GUF1: variants seen among roughly 807,000 people sequenced by gnomAD.
The protein encoded by GUF1 is GTP binding elongation factor GUF1.
Under a neutral mutation model 82.4 loss-of-function variants are expected in GUF1, and 78 were observed. The observed-to-expected ratio is 0.95, with a 90% confidence interval of 0.79 to 1.14. GUF1 has a LOEUF of 1.14. Ranked by LOEUF, GUF1 falls within the 50% of genes most tolerant of loss-of-function variation. The pLI, the probability that GUF1 is intolerant of heterozygous loss-of-function variation, is 0.00. For synonymous variants in GUF1, 279 were observed against 282.3 expected, an observed-to-expected ratio of 0.99 and a Z score of 0.12; for missense variants, 814 against 798.2, an observed-to-expected ratio of 1.02 and a Z score of -0.24.
In GUF1 at chr4:44,700,886, T is replaced by G. The variant is rs1716199190; in HGVS notation, c.*2205T>G. On this transcript the variant is annotated 3_prime_UTR_variant, in exon 17 of 17. Transcript: ENST00000281543. The stretch of plus-strand genomic sequence containing the variant: ...AATCTGAAAGACCATGACAGTAGTA[T>G]TTTGAAAATGACAGTATTTGAAATT... The G allele has an allele frequency of 6.6e-6, 1 of 152,196 alleles. No homozygotes were observed. The highest frequency in any genetic ancestry group is 1.5e-5 in the Non-Finnish European group (1 of 68,036). The allele number at this position is 152,196 out of a possible 1,614,324, so 9.4% of individuals were successfully genotyped here. A position where few individuals can be genotyped will look rare whatever the true frequency, so the allele number is the denominator to read the frequency against.
chr4:44,699,047 G>A lies in GUF1; in HGVS notation c.*366G>A, dbSNP rs906574582. The A allele has an allele frequency of 6.2e-6, 1 of 161,128 alleles. No individual in the cohort carries two copies. Among genetic ancestry groups the A allele is most frequent in the Non-Finnish European group, 1.3e-5 (1 of 74,376 alleles). The allele number at this position is 161,128 out of a possible 1,614,324, so 10.0% of individuals were successfully genotyped here. A position where few individuals can be genotyped will look rare whatever the true frequency, so the allele number is the denominator to read the frequency against. On this transcript the variant is annotated 3_prime_UTR_variant, in exon 17 of 17. Coordinates refer to ENST00000281543, the MANE Select transcript of GUF1 (RefSeq NM_021927.3). ...TAGTAAGCACTCAATTGTAACTACA[G>A]TTAAGTCCTTAAATGCCATCGAAAG...
In GUF1 at chr4:44,678,570, T is replaced by C; in HGVS notation, c.-53T>C. 7.2e-7 allele frequency: 1 copy of C among 1,382,610 alleles called. No homozygotes were observed. The highest frequency in any genetic ancestry group is 9.4e-7 in the Non-Finnish European group (1 of 1,061,850). The allele number at this position is 1,382,610 out of a possible 1,614,324, so 85.6% of individuals were successfully genotyped here. On this transcript the variant is annotated 5_prime_UTR_variant, in exon 1 of 17. Coordinates refer to ENST00000281543, the MANE Select transcript of GUF1 (RefSeq NM_021927.3). ...GGGGTACCTTCGAAAAAAAACGGGC[T>C]ATGCTGCTGTTGCGTGTGGGTACCC...
At chr4:44,678,846 G>T in intron 1 of GUF1, 59 bp downstream of exon 1, 1 of 1,484,460 alleles carries the variant, frequency 6.7e-7, no homozygotes, top group Non-Finnish European at 9.0e-7. Context: ...TGCCCCATGC[G>T]ATCTTGGACA....
At chr4:44,690,989 C>A (rs1715403487) in intron 12 of GUF1, 129 bp downstream of exon 12, 2 of 508,584 alleles carry the variant, frequency 3.9e-6, no homozygotes, top group Admixed American at 3.7e-5. Context: ...ATATATATAT[C>A]TGTCTATATC....
At chr4:44,685,701 AT>A (rs1159659286) in intron 6 of GUF1, among the ~76,000 whole-genome samples, 1 of 152,062 alleles carries the variant, frequency 6.6e-6, no homozygotes, top group Non-Finnish European at 1.5e-5. Context: ...TGTTACCCAG[AT>A]TTCGAACTAT....
In GUF1 at chr4:44,696,616, TG is replaced by T. The variant is rs528302988; in HGVS notation, c.1836-791del. 4.3e-3 allele frequency among the ~76,000 whole-genome samples: 649 copies of T among 152,270 alleles called. 3 individuals carry two copies. The highest frequency in any genetic ancestry group is 0.014 in the African/African-American group (592 of 41,544). On this transcript the variant is annotated intron_variant, in intron 15 of 16. Transcript: ENST00000281543. ...AAATTCGACCTTAACCCAAACCTAA[TG>T]AGGAAATACAACCATCATGTTAATA...
Position 44,682,318 on chromosome 4 carries a change from A to C in GUF1, c.508-16A>C. The C allele has an allele frequency of 3.4e-6, 5 of 1,459,104 alleles. No homozygotes were observed. Among genetic ancestry groups the C allele is most frequent in the Non-Finnish European group, 4.6e-6 (5 of 1,084,694 alleles). 90.4% of individuals were successfully genotyped at this position (1,459,104 alleles called of 1,614,324 possible). ...TAGAATGGTCATCTCAGTATCTTGT[A>C]TCTTGATATTTTCAGGGAATTCAAG... On this transcript the variant is annotated splice_polypyrimidine_tract_variant and intron_variant, in intron 4 of 16. Transcript: ENST00000281543.
chr4:44,683,771 G>T (rs1714902063), intron 6 of GUF1, among the ~76,000 whole-genome samples: 1 of 152,084 alleles, frequency 6.6e-6, no homozygotes, highest in South Asian at 2.1e-4. Flanking sequence ...GGAAACAATA[G>T]ATTTTATTTA....
intron 15 of GUF1, 42 bp from the exon 16 acceptor site, chr4:44,697,366 A>G (rs1715892098): frequency 1.5e-6 from 2 of 1,301,754 alleles, no homozygotes; most frequent in Non-Finnish European, 2.2e-6. Context: ...TTTAAACAGT[A>G]TAATGGAATT....
chr4:44,680,800 T>C lies in GUF1; in HGVS notation c.384T>C (p.Asn128=), dbSNP rs768426911. The C allele has an allele frequency of 2.5e-6, 4 of 1,612,458 alleles. No individual in the cohort carries two copies. Among genetic ancestry groups the C allele is most frequent in the East Asian group, 2.2e-5 (1 of 44,778 alleles). Residue 128 remains asparagine, a synonymous_variant, in exon 3 of 17, where the codon AAT becomes AAC. Transcript: ENST00000281543. ...CACAGACAGCATCTCTCTTTTACAATTGTGAAGGAAAGCAGTACCTTTTAA... is the reference window on the plus strand; with the variant it reads ...CACAGACAGCATCTCTCTTTTACAACTGTGAAGGAAAGCAGTACCTTTTAA... ...VKAQTASLFY[N]CEGKQYLLNL... is the part of the protein sequence containing the mutation.
intron 5 of GUF1, 91 bp from the exon 6 acceptor site, chr4:44,683,144 T>C: frequency 4.2e-6 from 3 of 715,538 alleles, no homozygotes; most frequent in Non-Finnish European, 4.5e-6. Context: ...TAGGTTAAAG[T>C]GGGTAAGCTT....
chr4:44,697,198 T>C (rs1442878795), intron 15 of GUF1, among the ~76,000 whole-genome samples: 1 of 152,178 alleles, frequency 6.6e-6, no homozygotes, highest in Non-Finnish European at 1.5e-5. Context: ...TTGATAAACA[T>C]GTTGAATTTA....
Position 44,699,429 on chromosome 4 carries a change from A to G in GUF1, c.*748A>G, listed in dbSNP as rs6811584. 0.53 allele frequency: 79,974 copies of G among 151,978 alleles called. 22,467 individuals carry two copies. The highest frequency in any genetic ancestry group is 0.64 in the Non-Finnish European group (43,242 of 67,984). 9.4% of individuals were successfully genotyped at this position (151,978 alleles called of 1,614,324 possible). ...GAACTCCTGACCTCGTGATCCACCCACCGTGGCCTCCCAAAGTGCTGATTA... is the reference window on the plus strand; with the variant it reads ...GAACTCCTGACCTCGTGATCCACCCGCCGTGGCCTCCCAAAGTGCTGATTA... On this transcript the variant is annotated 3_prime_UTR_variant, in exon 17 of 17. Coordinates refer to ENST00000281543, the MANE Select transcript of GUF1 (RefSeq NM_021927.3).
intron 8 of GUF1, 27 bp from the exon 9 acceptor site, chr4:44,687,980 A>T: frequency 1.3e-6 from 2 of 1,595,616 alleles, no homozygotes; most frequent in Non-Finnish European, 1.7e-6. Context: ...AAAGCAGTAA[A>T]TATTTGCATA....
rs1354208604 is a variant in GUF1, at chr4:44,678,618, G to A, written c.-5G>A. The A allele has an allele frequency of 1.4e-6, 2 of 1,450,240 alleles. No individual in the cohort carries two copies. Among genetic ancestry groups the A allele is most frequent in the Non-Finnish European group, 1.8e-6 (2 of 1,111,448 alleles). 89.8% of individuals were successfully genotyped at this position (1,450,240 alleles called of 1,614,324 possible). ...CCCTCTCCTGACGCCTCCGCCGCCC[G>A]GGTCATGTGGACCCTCGTGGGTCGG... On this transcript the variant is annotated 5_prime_UTR_variant, in exon 1 of 17. Transcript: ENST00000281543.
Position 44,683,235 on chromosome 4 carries a change from A to C in GUF1, c.586A>C (p.Ile196Leu). ...QLSVIPVINK[I>L]DLKNADPERV... is the part of the protein sequence containing the mutation. ...ACATAATGGATTTTTTTTTTTAAAGATAGATCTGAAGAATGCTGATCCTGA... is the reference window on the plus strand; with the variant it reads ...ACATAATGGATTTTTTTTTTTAAAGCTAGATCTGAAGAATGCTGATCCTGA... Residue 196 changes from isoleucine to leucine, a missense_variant and splice_region_variant, in exon 6 of 17, where the codon ATA becomes CTA. Physicochemically the swap from Ile to Leu is conservative, Grantham distance 5 (BLOSUM62 2). Transcript: ENST00000281543. 1 of 1,545,020 alleles carries C rather than the reference A, an allele frequency of 6.5e-7. No individual in the cohort carries two copies. The highest frequency in any genetic ancestry group is 8.8e-7 in the Non-Finnish European group (1 of 1,139,504).
At chr4:44,694,278 A>T (rs1441478375) in intron 13 of GUF1, 134 bp from the exon 14 acceptor site, 2 of 646,300 alleles carry the variant, frequency 3.1e-6, no homozygotes, top group East Asian at 2.9e-5. Context: ...CTGTATATGT[A>T]ATATTTTGAT....
intron 13 of GUF1, among the ~76,000 whole-genome samples, chr4:44,693,552 G>A (rs914441173): frequency 8.6e-5 from 13 of 152,038 alleles, no homozygotes; most frequent in African/African-American, 3.1e-4. Flanking sequence ...TCTGTTAATA[G>A]AGTGTATTAT....
chr4:44,691,641 C>T (rs780977046), intron 12 of GUF1, 25 bp from the exon 13 acceptor site: 2 of 1,568,488 alleles, frequency 1.3e-6, no homozygotes, highest in South Asian at 1.1e-5. Context: ...TATCATTAAA[C>T]CCATTTTCTT....
Sources: allele counts gnomAD v4.1 joint callset (sites outside exome capture counted in the v4.1 genomes callset), GRCh38; gene constraint gnomAD v4.1.1; transcripts MANE v1.5; gene names NCBI Gene and HGNC (gene_info 2026-07-23, HGNC 2026-07-21).